CRPPA: variants seen among roughly 807,000 people sequenced by gnomAD.
The protein encoded by CRPPA is CDP-L-ribitol pyrophosphorylase A.
CRPPA carries 43 observed loss-of-function variants against 52.0 expected under a neutral mutation model. The observed-to-expected ratio is 0.83, with a 90% CI of 0.65 to 1.07. CRPPA has a LOEUF of 1.07. Among genes scored for constraint, CRPPA ranks in the 50% least tolerant of loss-of-function variants. The pLI is 0.00. For synonymous variants in CRPPA, 250 were observed against 203.5 expected (o/e 1.23, Z -1.94); for missense variants, 629 against 551.7 (o/e 1.14, Z -1.40).
chr7:16,278,063 G>A, intron 6 of CRPPA, 66 bp downstream of exon 6: 1 of 796,368 alleles, frequency 1.3e-6, no homozygotes, highest in Non-Finnish European at 2.1e-6. Flanking sequence ...TTCCAAGAAA[G>A]ATATCTTTAT....
intron 9 of CRPPA, among the ~76,000 whole-genome samples, chr7:16,140,079 G>A (rs1376184774): frequency 6.6e-6 from 1 of 152,002 alleles, no homozygotes; most frequent in Non-Finnish European, 1.5e-5. Flanking sequence ...TACTATACAA[G>A]ATAGAGGAAA....
At chr7:16,098,161 A>G (rs140772738) in intron 9 of CRPPA, among the ~76,000 whole-genome samples, 3 of 152,336 alleles carry the variant, frequency 2.0e-5, no homozygotes, top group Admixed American at 6.5e-5. Context: ...GTGGAATGCC[A>G]TCTCAAAGAA....
intron 9 of CRPPA, among the ~76,000 whole-genome samples, chr7:16,147,830 C>A (rs1436324111): frequency 6.6e-6 from 1 of 152,126 alleles, no homozygotes; most frequent in African/African-American, 2.4e-5. Flanking sequence ...ACTTGATATT[C>A]ATCCATATTT....
rs370052768 is a variant in CRPPA at position 16,258,974 on chromosome 7, G to A, written c.972C>T (p.Gly324=). 2 of 1,611,242 alleles carry A rather than the reference G, an allele frequency of 1.2e-6. No individual in the cohort carries two copies. Among genetic ancestry groups the A allele is most frequent in the Non-Finnish European group, 1.7e-6 (2 of 1,178,384 alleles). Residue 324 remains glycine (G), a synonymous_variant, in exon 7 of 10, where the codon GGC becomes GGT. Coordinates refer to ENST00000407010, the MANE Select transcript of CRPPA (RefSeq NM_001101426.4). The part of the protein sequence containing the change: ...KVTSEALGHA[G]RHLQQIILDQ... ...CTAAGATGATTTGCTGAAGATGTCT[G>A]CCAGCATGACCCAGAGCCTCAGATG...
At chr7:16,322,480 ACTCTAAT>A (rs1460180374) in intron 3 of CRPPA, among the ~76,000 whole-genome samples, 1 of 152,078 alleles carries the variant, frequency 6.6e-6, no homozygotes, top group African/African-American at 2.4e-5. Flanking sequence ...GAAAAACAGA[ACTCTAAT>A]CTCCCATTTT....
intron 8 of CRPPA, among the ~76,000 whole-genome samples, chr7:16,254,172 C>G (rs1189264191): frequency 6.6e-6 from 1 of 152,138 alleles, no homozygotes; most frequent in Non-Finnish European, 1.5e-5. Context: ...TTGTGGAAGA[C>G]AGTGTGGCAA....
At chr7:16,164,935 G>T (rs1189063989) in intron 9 of CRPPA, among the ~76,000 whole-genome samples, 1 of 151,994 alleles carries the variant, frequency 6.6e-6, no homozygotes, top group African/African-American at 2.4e-5. Flanking sequence ...TGTAGGAGGT[G>T]TATGTCGACT....
At chr7:16,382,200 C>G (rs1439828978) in intron 2 of CRPPA, among the ~76,000 whole-genome samples, 1 of 152,168 alleles carries the variant, frequency 6.6e-6, no homozygotes, top group African/African-American at 2.4e-5. Context: ...GTGACAAAAT[C>G]TCTCAGCATT....
chr7:16,140,958 T>C (rs1251752935), intron 9 of CRPPA, among the ~76,000 whole-genome samples: 1 of 152,154 alleles, frequency 6.6e-6, no homozygotes, highest in African/African-American at 2.4e-5. Context: ...AACACGTGCT[T>C]GTGAATGCCT....
At chr7:16,293,027 G>A (rs113152290) in intron 5 of CRPPA, among the ~76,000 whole-genome samples, 3 of 151,958 alleles carry the variant, frequency 2.0e-5, no homozygotes, top group African/African-American at 7.2e-5. Flanking sequence ...ACAGACCCAC[G>A]ACACATTAAG....
chr7:16,096,331 A>G (rs1230785630), intron 9 of CRPPA, among the ~76,000 whole-genome samples: 1 of 152,156 alleles, frequency 6.6e-6, no homozygotes, highest in Non-Finnish European at 1.5e-5. Context: ...AGACCCAGAA[A>G]TGAGACATAC....
At chr7:16,397,530 A>C (rs974249211) in intron 2 of CRPPA, among the ~76,000 whole-genome samples, 1 of 150,558 alleles carries the variant, frequency 6.6e-6, no homozygotes, top group South Asian at 2.1e-4. Context: ...GACATGATCA[A>C]CACAACATGT....
intron 3 of CRPPA, among the ~76,000 whole-genome samples, chr7:16,329,641 T>G (rs1228727989): frequency 6.6e-6 from 1 of 152,158 alleles, no homozygotes; most frequent in African/African-American, 2.4e-5. Context: ...CTGCCTAATC[T>G]TTGCCTCTCA....
rs552786566 is a variant in CRPPA, at chr7:16,090,983, C to A, written c.*712G>T. 6.6e-6 allele frequency: 1 copy of A among 152,152 alleles called. No individual in the cohort carries two copies. Among genetic ancestry groups the A allele is most frequent in the African/African-American group, 2.4e-5 (1 of 41,436 alleles). 9.4% of individuals were successfully genotyped at this position (152,152 alleles called of 1,614,324 possible). On this transcript the variant is annotated 3_prime_UTR_variant, in exon 10 of 10. Coordinates refer to ENST00000407010, the MANE Select transcript of CRPPA (RefSeq NM_001101426.4). ...ACCAGGGATTGACCAGAATCACCTA[C>A]GAAACTTTCCAGACACTTTTAAGTT...
chr7:16,349,376 A>G (rs1436582470), intron 3 of CRPPA, among the ~76,000 whole-genome samples: 3 of 152,224 alleles, frequency 2.0e-5, no homozygotes, highest in Admixed American at 6.5e-5. Context: ...CCTAATATGC[A>G]GAAAACAACA....
Position 16,386,752 on chromosome 7 carries a change from G to C in CRPPA, c.535-10511C>G, listed in dbSNP as rs961174797. Among the ~76,000 whole-genome samples, 40 of 152,136 alleles carry C rather than the reference G, an allele frequency of 2.6e-4. 1 individual carries two copies. Among genetic ancestry groups the C allele is most frequent in the South Asian group, 2.1e-4 (1 of 4,818 alleles). The stretch of plus-strand genomic sequence containing the variant: ...ATACATACTTGCAGCTGGGTACAGT[G>C]GCTCACACCTGTAATCCCAGCACTC... On this transcript the variant is annotated intron_variant, in intron 2 of 9. Transcript: ENST00000407010.
At chr7:16,106,637 T>C (rs1053335314) in intron 9 of CRPPA, among the ~76,000 whole-genome samples, 108 of 152,332 alleles carry the variant, frequency 7.1e-4, no homozygotes, top group African/African-American at 2.4e-3. Context: ...AGTGAAGATC[T>C]ATCCCTGCTA....
intron 9 of CRPPA, among the ~76,000 whole-genome samples, chr7:16,109,393 G>A (rs1334520695): frequency 1.3e-5 from 2 of 151,870 alleles, no homozygotes; most frequent in African/African-American, 2.4e-5. Context: ...CCAATAACAA[G>A]TAAGGAGAGT....
In CRPPA at chr7:16,091,340, G is replaced by C. The variant is rs1781832692; in HGVS notation, c.*355C>G. 5.4e-6 allele frequency: 1 copy of C among 186,422 alleles called. No individual in the cohort carries two copies. The highest frequency in any genetic ancestry group is 1.1e-4 in the South Asian group (1 of 9,176). The allele number at this position is 186,422 out of a possible 1,614,324, so 11.5% of individuals were successfully genotyped here. On this transcript the variant is annotated 3_prime_UTR_variant, in exon 10 of 10. Transcript: ENST00000407010. Reference sequence around the variant, plus strand: ...GTGTAAATTATTAATTAACAGTTAGGATAATAACTGAAGTTTTCTAAATTC... The same window carrying C: ...GTGTAAATTATTAATTAACAGTTAGCATAATAACTGAAGTTTTCTAAATTC...
Sources: allele counts gnomAD v4.1 joint callset (sites outside exome capture counted in the v4.1 genomes callset), GRCh38; gene constraint gnomAD v4.1.1; transcripts MANE v1.5; gene names NCBI Gene and HGNC (gene_info 2026-07-23, HGNC 2026-07-21).